The following AMPH variants were observed in gnomAD, a reference collection of about 807,000 sequenced individuals.
AMPH encodes the protein amphiphysin (Stiff-Mann syndrome with breast cancer 128kD autoantigen).
A neutral mutation model predicts 99.1 loss-of-function variants in AMPH; 49 were observed. The observed-to-expected ratio is 0.49, with a 90% confidence interval of 0.39 to 0.63. AMPH has a LOEUF of 0.63. AMPH is among the 20% of genes least tolerant of loss of function. The pLI is 0.00. For missense variants in AMPH, 759 were observed against 863.4 expected (o/e 0.88, Z 1.52); for synonymous variants, 314 against 317.3 (o/e 0.99, Z 0.11).
At chr7:38,587,912 TAC>T (rs1491314613) in intron 1 of AMPH, among the ~76,000 whole-genome samples, 1 of 118,374 alleles carries the variant, frequency 8.4e-6, no homozygotes, top group Non-Finnish European at 1.9e-5. Flanking sequence ...GCTTATTAAT[TAC>T]TGTGTGTGTG....
chr7:38,475,792 T>C (rs1222547369), intron 6 of AMPH, among the ~76,000 whole-genome samples: 3 of 152,186 alleles, frequency 2.0e-5, no homozygotes, highest in Admixed American at 6.5e-5. Context: ...CAAAAGGGAC[T>C]TACAATGTGT....
chr7:38,473,710 C>CA (rs70977409), intron 7 of AMPH, among the ~76,000 whole-genome samples: 62 of 3,782 alleles, frequency 0.016, 27 homozygotes, highest in Admixed American at 0.044. Context: ...GACTCCGTCT[C>CA]AAAAAAAAAA....
intron 1 of AMPH, among the ~76,000 whole-genome samples, chr7:38,546,154 G>T (rs1248979986): frequency 6.6e-6 from 1 of 152,180 alleles, no homozygotes; most frequent in Non-Finnish European, 1.5e-5. Flanking sequence ...GTAACGGAAG[G>T]TAGCAGAGAG....
intron 1 of AMPH, among the ~76,000 whole-genome samples, chr7:38,628,657 G>C (rs1794343435): frequency 6.6e-6 from 1 of 152,160 alleles, no homozygotes; most frequent in Non-Finnish European, 1.5e-5. Flanking sequence ...TGTTTTGGTT[G>C]TATAAATACA....
intron 1 of AMPH, among the ~76,000 whole-genome samples, chr7:38,558,788 A>T (rs944090323): frequency 2.6e-5 from 4 of 152,346 alleles, no homozygotes; most frequent in Admixed American, 2.6e-4. Flanking sequence ...TACTCCGGTG[A>T]CCCAGGCCAG....
intron 17 of AMPH, among the ~76,000 whole-genome samples, chr7:38,415,839 C>G (rs1775956869): frequency 6.6e-6 from 1 of 152,008 alleles, no homozygotes; most frequent in South Asian, 2.1e-4. Flanking sequence ...ATGATTCTTG[C>G]ATCACCTATG....
intron 1 of AMPH, among the ~76,000 whole-genome samples, chr7:38,623,608 C>T (rs949375708): frequency 1.7e-4 from 26 of 152,288 alleles, no homozygotes; most frequent in Non-Finnish European, 3.1e-4. Context: ...CCCAATATGT[C>T]TCAGAGATTT....
At chr7:38,427,649 C>CTT (rs3056201) in intron 14 of AMPH, among the ~76,000 whole-genome samples, 51,516 of 137,166 alleles carry the variant, frequency 0.38, 10,951 homozygotes, top group Non-Finnish European at 0.46. Flanking sequence ...GATGCTGCTG[C>CTT]TTTTTTTTTT....
Position 38,522,246 on chromosome 7 carries a change from T to C in AMPH, c.150+12685A>G, listed in dbSNP as rs1789993941. ...TCGCTAAGTTAATATGGCCATATATTAACTGTTACCTTTTCCTCGGGGCAT... is the reference window on the plus strand; with the variant it reads ...TCGCTAAGTTAATATGGCCATATATCAACTGTTACCTTTTCCTCGGGGCAT... On this transcript the variant is annotated intron_variant, in intron 2 of 20. Transcript: ENST00000356264. Among the ~76,000 whole-genome samples the C allele has an allele frequency of 4.6e-5, 7 of 152,244 alleles. No homozygotes were observed. The South Asian group carries it at 1.4e-3, about 31-fold the overall frequency.
chr7:38,548,067 C>T (rs113556073), intron 1 of AMPH, among the ~76,000 whole-genome samples: 2,215 of 146,108 alleles, frequency 0.015, 56 homozygotes, highest in African/African-American at 0.054. Flanking sequence ...CTCGCTCTGT[C>T]GCCCAGGCTG....
At chr7:38,521,126 G>GAATACAGAAAAATTTCA (rs11271557) in intron 2 of AMPH, among the ~76,000 whole-genome samples, 1 of 151,936 alleles carries the variant, frequency 6.6e-6, no homozygotes. Flanking sequence ...AGTGGGCACT[G>GAATACAGAAAAATTTCA]AACAAGTAGA....
intron 7 of AMPH, among the ~76,000 whole-genome samples, chr7:38,471,622 C>A (rs762730253): frequency 1.3e-5 from 2 of 152,088 alleles, no homozygotes; most frequent in African/African-American, 2.4e-5. Context: ...GAAAAGCCTA[C>A]ATTTTGGTAA....
At chr7:38,443,868 G>A (rs1786651330) in intron 11 of AMPH, among the ~76,000 whole-genome samples, 1 of 151,402 alleles carries the variant, frequency 6.6e-6, no homozygotes, top group East Asian at 1.9e-4. Flanking sequence ...ATAAATAAAA[G>A]GCACCGAGAT....
intron 17 of AMPH, among the ~76,000 whole-genome samples, chr7:38,405,124 C>T (rs765483828): frequency 1.4e-4 from 21 of 151,966 alleles, no homozygotes; most frequent in Admixed American, 1.2e-3. Flanking sequence ...GCTTCATAAA[C>T]GAAGGAGAAA....
chr7:38,544,019 GC>G, intron 1 of AMPH, among the ~76,000 whole-genome samples: 1 of 152,196 alleles, frequency 6.6e-6, no homozygotes, highest in East Asian at 1.9e-4. Flanking sequence ...ATACTATAAT[GC>G]CCTAAAAACA....
At chr7:38,471,379 T>C (rs772722719) in intron 7 of AMPH, among the ~76,000 whole-genome samples, 3 of 152,308 alleles carry the variant, frequency 2.0e-5, no homozygotes, top group Non-Finnish European at 4.4e-5. Flanking sequence ...TCTCTATCTA[T>C]ATAATCTATA....
chr7:38,577,846 G>A (rs866849486), intron 1 of AMPH, among the ~76,000 whole-genome samples: 14 of 151,750 alleles, frequency 9.2e-5, no homozygotes, highest in Middle Eastern at 3.4e-3. Context: ...GAGGGAAGAC[G>A]GAACATAAAA....
At chr7:38,392,500 C>T (rs1784538012) in intron 18 of AMPH, 1 of 153,346 alleles carries the variant, frequency 6.5e-6, no homozygotes, top group Non-Finnish European at 1.4e-5. Context: ...CATTCTCCTG[C>T]CTCAGCCTCC....
At chr7:38,469,153 C>CAAAAAAA (rs869172352) in intron 7 of AMPH, among the ~76,000 whole-genome samples, 1 of 28,878 alleles carries the variant, frequency 3.5e-5, no homozygotes, top group African/African-American at 2.3e-4. Context: ...GACTCCGCCT[C>CAAAAAAA]AAAAAAAAAA....
Sources: allele counts gnomAD v4.1 joint callset (sites outside exome capture counted in the v4.1 genomes callset), GRCh38; gene constraint gnomAD v4.1.1; transcripts MANE v1.5; gene names NCBI Gene and HGNC (gene_info 2026-07-23, HGNC 2026-07-21).